Variants in PDE9A observed in about 807,000 individuals in gnomAD.
The protein encoded by PDE9A is phosphodiesterase 9A.
PDE9A carries 60 observed loss-of-function variants against 87.4 expected under a neutral mutation model. The ratio of observed to expected loss-of-function variants is 0.69; its 90% CI spans 0.56 to 0.85. The LOEUF is 0.85. Ranked by LOEUF, PDE9A falls within the 40% of genes least tolerant of loss-of-function variation. PDE9A has a pLI of 0.00. For missense variants in PDE9A, 665 were observed against 779.0 expected, an observed-to-expected ratio of 0.85 and a Z score of 1.74; for synonymous variants, 272 against 279.4, an observed-to-expected ratio of 0.97 and a Z score of 0.27.
intron 14 of PDE9A, among the ~76,000 whole-genome samples, chr21:42,763,630 C>A (rs1002477339): frequency 6.6e-6 from 1 of 152,180 alleles, no homozygotes; most frequent in Non-Finnish European, 1.5e-5. Context: ...GTTTGTGGTA[C>A]TTTGTGTGGC....
chr21:42,742,948 T>TA (rs1312384409), intron 7 of PDE9A, among the ~76,000 whole-genome samples: 1 of 152,202 alleles, frequency 6.6e-6, no homozygotes, highest in African/African-American at 2.4e-5. Flanking sequence ...GCGTGACTCT[T>TA]AAACTGTAAT....
In PDE9A at chr21:42,698,974, G is replaced by T. The variant is rs78479041; in HGVS notation, c.225G>T (p.Pro75=). The T allele has an allele frequency of 1.2e-6, 2 of 1,612,638 alleles. No homozygotes were observed. The highest frequency in any genetic ancestry group is 1.1e-5 in the South Asian group (1 of 91,014). Residue 75 remains proline (P), a synonymous_variant, in exon 4 of 20, where the codon CCG becomes CCT. Transcript: ENST00000291539. ...ACTGTCTTCTCTTTTGCAGCACTCC[G>T]TACAAAGTGAGACCTGTGGCCATCA... is the stretch of plus-strand genomic sequence containing the variant. ...PTMPANSERT[P]YKVRPVAIKQ...
intron 1 of PDE9A, 27 bp downstream of exon 1, chr21:42,653,910 C>G (rs370764584): frequency 3.0e-6 from 4 of 1,351,826 alleles, no homozygotes; most frequent in African/African-American, 1.5e-5. Flanking sequence ...CCAGACACCC[C>G]CTCCTCCCCC....
At chr21:42,756,795 T>C (rs2055108544) in intron 10 of PDE9A, 1 of 152,506 alleles carries the variant, frequency 6.6e-6, no homozygotes, top group African/African-American at 2.4e-5. Context: ...ATGCGGGAAC[T>C]GCTGGCTCCC....
At chr21:42,744,902 G>C (rs1401224001) in intron 8 of PDE9A, among the ~76,000 whole-genome samples, 2 of 152,340 alleles carry the variant, frequency 1.3e-5, no homozygotes, top group East Asian at 3.9e-4. Context: ...CACAGGACCT[G>C]CTCACACCTC....
At chr21:42,728,135 T>C (rs537416718) in intron 4 of PDE9A, among the ~76,000 whole-genome samples, 122 of 152,352 alleles carry the variant, frequency 8.0e-4, no homozygotes, top group African/African-American at 2.8e-3. Flanking sequence ...TTACATAACA[T>C]TTACATTGTA....
In PDE9A at chr21:42,696,205, G is replaced by A. The variant is rs2060131662; in HGVS notation, c.219-2763G>A. 1.3e-5 allele frequency among the ~76,000 whole-genome samples: 2 copies of A among 152,138 alleles called. No individual in the cohort carries two copies. The highest frequency in any genetic ancestry group is 6.5e-5 in the Admixed American group (1 of 15,284). On this transcript the variant is annotated intron_variant, in intron 3 of 19. Coordinates refer to ENST00000291539, the MANE Select transcript of PDE9A (RefSeq NM_002606.3). This position sits in a 1 kb window ranked among gnomAD's most constrained non-coding sequence, Gnocchi z 5.1. ...TCTTGGTAAGCCTGTTTTTGTGTCA[G>A]GTCCCCAGGACACCTTCCTCTGAGT...
In PDE9A at chr21:42,753,351, A is replaced by G. The variant is rs142403064; in HGVS notation, c.736-639A>G. 7.0e-4 allele frequency among the ~76,000 whole-genome samples: 107 copies of G among 152,294 alleles called. 2 individuals carry two copies. In the East Asian group the frequency reaches 0.018, roughly 26 times the overall value. ...GCTTGTTGAGGTCTAATTTACATGC[A>G]GTAAAGTTATTTAGGCTTGGAGTAC... On this transcript the variant is annotated intron_variant, in intron 9 of 19. Transcript: ENST00000291539.
intron 1 of PDE9A, among the ~76,000 whole-genome samples, chr21:42,658,449 C>T (rs2057253366): frequency 6.6e-6 from 1 of 152,250 alleles, no homozygotes; most frequent in Admixed American, 6.5e-5. Context: ...CCAACCTTGT[C>T]TGGTGTGGTT....
In PDE9A at chr21:42,707,881, G is replaced by A. The variant is rs377037687; in HGVS notation, c.262+8870G>A. On this transcript the variant is annotated intron_variant, in intron 4 of 19. Transcript: ENST00000291539. ...GTGCCTGCCACTTGGTAAGCGCCCAGTAAATGGTTGTTATCATTGAAAATG... is the reference window on the plus strand; with the variant it reads ...GTGCCTGCCACTTGGTAAGCGCCCAATAAATGGTTGTTATCATTGAAAATG... 1.2e-4 allele frequency among the ~76,000 whole-genome samples: 19 copies of A among 152,320 alleles called. No individual in the cohort carries two copies. In the South Asian group the frequency reaches 3.9e-3, roughly 32 times the overall value.
intron 15 of PDE9A, among the ~76,000 whole-genome samples, chr21:42,767,635 G>A (rs1602571637): frequency 6.6e-6 from 1 of 152,188 alleles, no homozygotes; most frequent in East Asian, 1.9e-4. Flanking sequence ...TGTCTAATCA[G>A]CTTCAGAGCC....
Position 42,659,142 on chromosome 21 carries a change from C to T in PDE9A, c.69+5259C>T, listed in dbSNP as rs2145799936. Reference sequence around the variant, plus strand: ...AACTGGGCCCTTCCCAATTTTAGCCCAAGGGTGCCGAAAAGTCAGGGAGCT... The same window carrying T: ...AACTGGGCCCTTCCCAATTTTAGCCTAAGGGTGCCGAAAAGTCAGGGAGCT... On this transcript the variant is annotated intron_variant, in intron 1 of 19. Coordinates refer to ENST00000291539, the MANE Select transcript of PDE9A (RefSeq NM_002606.3). This position sits in a 1 kb window ranked among gnomAD's most constrained non-coding sequence, Gnocchi z 4.1. Among the ~76,000 whole-genome samples the T allele has an allele frequency of 6.6e-6, 1 of 152,314 alleles. No homozygotes were observed. Among genetic ancestry groups the T allele is most frequent in the East Asian group, 1.9e-4 (1 of 5,174 alleles).
chr21:42,670,276 CATTCACACAT>C (rs1569117201), intron 1 of PDE9A, among the ~76,000 whole-genome samples: 23 of 150,470 alleles, frequency 1.5e-4, no homozygotes, highest in African/African-American at 5.5e-4. Flanking sequence ...CATATTCACA[CATTCACACAT>C]ACACATTCAC....
chr21:42,681,503 G>T (rs2059163218), intron 1 of PDE9A, among the ~76,000 whole-genome samples: 1 of 152,190 alleles, frequency 6.6e-6, no homozygotes, highest in African/African-American at 2.4e-5. Flanking sequence ...CTTGCCTGTG[G>T]TTGGCACCTG....
At chr21:42,709,276 G>A (rs750256871) in intron 4 of PDE9A, among the ~76,000 whole-genome samples, 2 of 152,206 alleles carry the variant, frequency 1.3e-5, no homozygotes, top group South Asian at 4.2e-4. Context: ...CACAGGGAGG[G>A]GAATAACACA....
At chr21:42,729,722 G>A (rs2051522215) in intron 4 of PDE9A, among the ~76,000 whole-genome samples, 1 of 152,166 alleles carries the variant, frequency 6.6e-6, no homozygotes, top group African/African-American at 2.4e-5. Flanking sequence ...TGAGTTCAAT[G>A]TCTTTTTAAT....
rs915748216 is a variant in PDE9A, at chr21:42,692,187, G to A, written c.218+4193G>A. Among the ~76,000 whole-genome samples the A allele has an allele frequency of 1.3e-5, 2 of 152,224 alleles. No individual in the cohort carries two copies. The highest frequency in any genetic ancestry group is 4.8e-5 in the African/African-American group (2 of 41,458). ...GCATGCTGGGTGCAGGATGGAATGA[G>A]TTGGGGACGGAGTGAACCAGTCCAG... On this transcript the variant is annotated intron_variant, in intron 3 of 19. Transcript: ENST00000291539. The surrounding 1 kb of genome is among the most constrained non-coding windows in gnomAD (Gnocchi z 4.3).
At chr21:42,698,292 A>G (rs146402328) in intron 3 of PDE9A, among the ~76,000 whole-genome samples, 2 of 152,302 alleles carry the variant, frequency 1.3e-5, no homozygotes, top group East Asian at 3.9e-4. Context: ...AAGGAATAGC[A>G]TCTGCCTGGG....
intron 10 of PDE9A, among the ~76,000 whole-genome samples, chr21:42,755,532 C>T (rs1012561098): frequency 3.9e-5 from 6 of 152,152 alleles, no homozygotes; most frequent in East Asian, 1.9e-4. Flanking sequence ...GGCGCAGAGA[C>T]GACAGAAGAG....
Sources: allele counts gnomAD v4.1 joint callset (sites outside exome capture counted in the v4.1 genomes callset), GRCh38; gene constraint gnomAD v4.1.1; non-coding constraint Gnocchi (gnomAD v3.1); transcripts MANE v1.5; gene names NCBI Gene and HGNC (gene_info 2026-07-23, HGNC 2026-07-21).